The following MACROD2 variants were observed in gnomAD, a reference collection of about 807,000 sequenced individuals.
MACROD2 encodes the protein mono-ADP ribosylhydrolase 2.
A neutral mutation model predicts 70.4 loss-of-function variants in MACROD2; 36 were observed. That is an observed-to-expected ratio of 0.51 (90% CI 0.39 to 0.68). The LOEUF is 0.68. Ranked by LOEUF, MACROD2 falls within the 30% of genes least tolerant of loss-of-function variation. The pLI is 0.00. For missense variants in MACROD2, 496 were observed against 538.4 expected (o/e 0.92, Z 0.78); for synonymous variants, 172 against 178.8 (o/e 0.96, Z 0.30).
chr20:15,268,153 CAA>C (rs956887183), intron 6 of MACROD2, among the ~76,000 whole-genome samples: 4 of 152,034 alleles, frequency 2.6e-5, no homozygotes, highest in Admixed American at 6.6e-5. Context: ...TGAGGTTTGA[CAA>C]GAGAGAGGGG....
intron 3 of MACROD2, among the ~76,000 whole-genome samples, chr20:14,372,532 C>T (rs2083334921): frequency 6.6e-6 from 1 of 151,830 alleles, no homozygotes; most frequent in African/African-American, 2.4e-5. Flanking sequence ...TATATTTAAC[C>T]AATTTTCTTG....
At chr20:15,387,193 A>T (rs1425149812) in intron 6 of MACROD2, among the ~76,000 whole-genome samples, 2 of 152,320 alleles carry the variant, frequency 1.3e-5, no homozygotes, top group East Asian at 3.9e-4. Context: ...GTTATTTAGA[A>T]ATAAATCTGA....
chr20:14,721,204 G>A (rs1222088630), intron 5 of MACROD2, among the ~76,000 whole-genome samples: 2 of 147,296 alleles, frequency 1.4e-5, no homozygotes, highest in African/African-American at 5.0e-5. Flanking sequence ...GCAGTGAGCC[G>A]AGATCGTGCC....
intron 3 of MACROD2, among the ~76,000 whole-genome samples, chr20:14,329,782 G>C (rs759763211): frequency 2.6e-5 from 4 of 152,032 alleles, no homozygotes; most frequent in South Asian, 2.1e-4. Flanking sequence ...CCACAATTTA[G>C]AGTTGAAAAG....
chr20:14,550,573 C>T (rs553091715), intron 4 of MACROD2, among the ~76,000 whole-genome samples: 40 of 152,102 alleles, frequency 2.6e-4, no homozygotes, highest in South Asian at 1.0e-3. Flanking sequence ...TGAACTTAGA[C>T]GTTCCTACCA....
intron 8 of MACROD2, among the ~76,000 whole-genome samples, chr20:15,851,580 A>G (rs2064298975): frequency 6.6e-6 from 1 of 151,970 alleles, no homozygotes; most frequent in Admixed American, 6.6e-5. Flanking sequence ...TTACTGCATT[A>G]CTTCTTTCAA....
At chr20:14,145,391 T>C (rs1159722627) in intron 3 of MACROD2, among the ~76,000 whole-genome samples, 4 of 152,212 alleles carry the variant, frequency 2.6e-5, no homozygotes, top group Non-Finnish European at 4.4e-5. Flanking sequence ...CAGCCCACAG[T>C]TGGAGTTCAG....
intron 2 of MACROD2, among the ~76,000 whole-genome samples, chr20:14,071,264 T>TTG (rs2053836405): frequency 7.8e-6 from 1 of 128,774 alleles, no homozygotes; most frequent in South Asian, 2.8e-4. Context: ...TTTTTTTTTT[T>TTG]TTTTTTTTTT....
In MACROD2 at chr20:15,838,013, C is replaced by A. The variant is rs1406162695; in HGVS notation, c.646-24732C>A. Among the ~76,000 whole-genome samples the A allele has an allele frequency of 1.5e-4, 23 of 152,112 alleles. 1 individual carries two copies. Among genetic ancestry groups the A allele is most frequent in the Admixed American group, 1.5e-3 (23 of 15,252 alleles). On this transcript the variant is annotated intron_variant, in intron 8 of 17. Transcript: ENST00000684519. ...GCACTAAGTAGGAACTATCACCTTA[C>A]CCCAGTGTCATAAATCTATGGGACT...
intron 5 of MACROD2, among the ~76,000 whole-genome samples, chr20:15,164,554 A>G (rs1044867055): frequency 6.6e-6 from 1 of 152,168 alleles, no homozygotes; most frequent in Non-Finnish European, 1.5e-5. Context: ...TTTACATGCT[A>G]TATTAGAAAA....
intron 4 of MACROD2, among the ~76,000 whole-genome samples, chr20:14,674,312 A>T (rs2070832351): frequency 6.6e-6 from 1 of 152,214 alleles, no homozygotes; most frequent in African/African-American, 2.4e-5. Flanking sequence ...TCTTGCAGTG[A>T]TTACTTAACT....
intron 5 of MACROD2, among the ~76,000 whole-genome samples, chr20:15,115,853 G>A (rs905846539): frequency 8.5e-5 from 13 of 152,090 alleles, no homozygotes; most frequent in South Asian, 2.1e-4. Context: ...AAATTTTCTA[G>A]TTTCTTAGGA....
intron 8 of MACROD2, among the ~76,000 whole-genome samples, chr20:15,668,246 C>T (rs765137953): frequency 8.3e-4 from 120 of 144,718 alleles, no homozygotes; most frequent in African/African-American, 2.3e-3. Context: ...GGCGACAGAG[C>T]GAGACTCTGT....
intron 5 of MACROD2, among the ~76,000 whole-genome samples, chr20:14,842,281 C>T (rs1016684765): frequency 2.0e-5 from 3 of 152,068 alleles, no homozygotes; most frequent in African/African-American, 7.2e-5. Flanking sequence ...GACCTAATCA[C>T]CTCTTAGAGG....
chr20:15,934,842 C>A (rs1300094319), intron 11 of MACROD2, among the ~76,000 whole-genome samples: 1 of 152,026 alleles, frequency 6.6e-6, no homozygotes, highest in African/African-American at 2.4e-5. Flanking sequence ...GGACTACAGG[C>A]ACGCACCACC....
intron 3 of MACROD2, among the ~76,000 whole-genome samples, chr20:14,456,900 G>A (rs1406279396): frequency 6.6e-6 from 1 of 151,712 alleles, no homozygotes; most frequent in Non-Finnish European, 1.5e-5. Flanking sequence ...TGTATTTTTA[G>A]TAGAGACGGG....
chr20:15,218,958 A>G (rs936129163), intron 5 of MACROD2, among the ~76,000 whole-genome samples: 35 of 152,138 alleles, frequency 2.3e-4, no homozygotes, highest in Admixed American at 2.2e-3. Context: ...AGGCAGGAGA[A>G]TGGCATGAAC....
At chr20:14,481,843 G>A (rs2084667266) in intron 3 of MACROD2, among the ~76,000 whole-genome samples, 4 of 152,024 alleles carry the variant, frequency 2.6e-5, no homozygotes, top group African/African-American at 9.7e-5. Context: ...AAGATTATTT[G>A]GAGGATTAAG....
intron 4 of MACROD2, among the ~76,000 whole-genome samples, chr20:14,605,614 A>G (rs1363522468): frequency 6.6e-6 from 1 of 152,148 alleles, no homozygotes; most frequent in Non-Finnish European, 1.5e-5. Flanking sequence ...TTCACTATAT[A>G]CTGGAGTCTC....
Sources: allele counts gnomAD v4.1 joint callset (sites outside exome capture counted in the v4.1 genomes callset), GRCh38; gene constraint gnomAD v4.1.1; transcripts MANE v1.5; gene names NCBI Gene and HGNC (gene_info 2026-07-23, HGNC 2026-07-21).